The following HELQ variants were observed in gnomAD, a reference collection of about 807,000 sequenced individuals.
HELQ encodes helicase POLQ-like.
Under a neutral mutation model 111.6 loss-of-function variants are expected in HELQ, and 77 were observed. The observed-to-expected ratio is 0.69, with a 90% CI of 0.57 to 0.83. The LOEUF is 0.83. HELQ is among the 40% of genes least tolerant of loss of function. HELQ has a pLI of 0.00. For missense variants in HELQ, 1,200 were observed against 1,288.5 expected (o/e 0.93, Z 1.05); for synonymous variants, 438 against 454.7 (o/e 0.96, Z 0.47).
intron 13 of HELQ, among the ~76,000 whole-genome samples, 170 bp downstream of exon 13, chr4:83,427,393 A>C (rs1719902091): frequency 6.6e-6 from 1 of 152,178 alleles, no homozygotes; most frequent in African/African-American, 2.4e-5. Flanking sequence ...AGTGGCTTAC[A>C]CTTGTAATCC....
intron 2 of HELQ, among the ~76,000 whole-genome samples, chr4:83,452,614 A>T (rs1176985305): frequency 6.6e-6 from 1 of 152,260 alleles, no homozygotes; most frequent in African/African-American, 2.4e-5. Flanking sequence ...CCAGCCAAGG[A>T]AATACAACTA....
In HELQ at chr4:83,448,778, C is replaced by T. The variant is rs1351003223; in HGVS notation, c.1191+5G>A. The T allele has an allele frequency of 1.2e-6, 2 of 1,609,856 alleles. No homozygotes were observed. The highest frequency in any genetic ancestry group is 1.7e-6 in the Non-Finnish European group (2 of 1,177,276). On this transcript the variant is annotated splice_donor_5th_base_variant and intron_variant, in intron 3 of 17. Transcript: ENST00000295488. ...ATTTGTTTTAAAACATACACACACA[C>T]ACACCTTTTCTTGGACAATTGCCAC...
chr4:83,443,081 C>T (rs150451047), intron 6 of HELQ, among the ~76,000 whole-genome samples: 97 of 151,952 alleles, frequency 6.4e-4, no homozygotes, highest in African/African-American at 2.1e-3. Flanking sequence ...CCATGTGAAG[C>T]CTTAACTTAT....
chr4:83,453,085 G>A (rs1156983033), intron 2 of HELQ, 146 bp downstream of exon 2: 1 of 596,140 alleles, frequency 1.7e-6, no homozygotes, highest in Non-Finnish European at 2.9e-6. Context: ...GGACAGGTAG[G>A]AATGGAAGGG....
At chr4:83,423,850 G>A (rs774458906) in intron 14 of HELQ, among the ~76,000 whole-genome samples, 7 of 152,054 alleles carry the variant, frequency 4.6e-5, no homozygotes, top group Non-Finnish European at 1.0e-4. Context: ...GGCGGAGGTT[G>A]CAGTGAGCTG....
In HELQ at chr4:83,453,462, T is replaced by C. The variant is rs768052792; in HGVS notation, c.781A>G (p.Arg261Gly). ...SKVRTSSDMN[R>G]RKSIKDHLKN... ...AGATGATCTTTAATACTTTTTCTCC[T>C]GTTCATATCTGAACTAGTTCTGACT... is the stretch of plus-strand genomic sequence containing the variant. Residue 261 changes from arginine (R) to glycine (G), a missense_variant, in exon 2 of 18, where the codon AGG becomes GGG. By Grantham distance (125) the Arg-to-Gly change is moderately radical. This residue lies in a region of HELQ where 610 missense variants were observed against 607.1 expected (regional missense o/e 1.00). Transcript: ENST00000295488. 7 of 1,607,444 alleles carry C rather than the reference T, an allele frequency of 4.4e-6. No homozygotes were observed. The East Asian group carries it at 1.3e-4, about 31-fold the overall frequency.
At chr4:83,445,604 GTAT>G (rs1560555748) in intron 5 of HELQ, among the ~76,000 whole-genome samples, 1 of 152,046 alleles carries the variant, frequency 6.6e-6, no homozygotes, top group East Asian at 1.9e-4. Flanking sequence ...TATGTTATAT[GTAT>G]TATTATGGTG....
chr4:83,448,727 T>C (rs1721186440), intron 3 of HELQ, 56 bp downstream of exon 3: 7 of 1,412,638 alleles, frequency 5.0e-6, no homozygotes, highest in African/African-American at 4.3e-5. Context: ...TTTACAGATC[T>C]TAACGTCAAA....
In HELQ at chr4:83,427,074, A is replaced by G. The variant is rs72944457; in HGVS notation, c.2676+489T>C. Reference sequence around the variant, plus strand: ...TCATGTAATTAAACTCTAAATCATCAGAGATGGTTTTCACTGTTTTCTTTG... The same window carrying G: ...TCATGTAATTAAACTCTAAATCATCGGAGATGGTTTTCACTGTTTTCTTTG... On this transcript the variant is annotated intron_variant, in intron 13 of 17. Coordinates refer to ENST00000295488, the MANE Select transcript of HELQ (RefSeq NM_133636.5). 8.9e-3 allele frequency among the ~76,000 whole-genome samples: 1,351 copies of G among 152,320 alleles called. 17 individuals carry two copies. The highest frequency in any genetic ancestry group is 0.031 in the African/African-American group (1,276 of 41,564).
intron 9 of HELQ, among the ~76,000 whole-genome samples, chr4:83,433,212 T>G (rs11731424): frequency 0.35 from 53,447 of 152,046 alleles, 11,254 homozygotes; most frequent in East Asian, 0.67. Flanking sequence ...CAGAAAAGAT[T>G]ACCAAATACT....
intron 3 of HELQ, among the ~76,000 whole-genome samples, chr4:83,447,378 A>T (rs932402888): frequency 6.6e-6 from 1 of 151,884 alleles, no homozygotes; most frequent in South Asian, 2.1e-4. Flanking sequence ...ACCAAAAAAC[A>T]CAAGTAAAAA....
intron 3 of HELQ, among the ~76,000 whole-genome samples, chr4:83,447,928 G>A (rs1721137830): frequency 6.6e-6 from 1 of 151,052 alleles, no homozygotes; most frequent in African/African-American, 2.4e-5. Flanking sequence ...AGCAAGGTAA[G>A]GCCGGGCACA....
chr4:83,424,529 A>AG (rs1719740433), intron 14 of HELQ, among the ~76,000 whole-genome samples: 1 of 152,250 alleles, frequency 6.6e-6, no homozygotes, highest in Admixed American at 6.5e-5. Flanking sequence ...CTGAGAAGCT[A>AG]GGAGTACAGG....
chr4:83,416,995 A>G, intron 16 of HELQ, 130 bp from the exon 17 acceptor site: 1 of 776,274 alleles, frequency 1.3e-6, no homozygotes, highest in Non-Finnish European at 2.0e-6. Context: ...ATGAAGAGAC[A>G]AGACATGAGA....
At chr4:83,428,819 T>C (rs1189520719) in intron 12 of HELQ, among the ~76,000 whole-genome samples, 1 of 151,414 alleles carries the variant, frequency 6.6e-6, no homozygotes, top group African/African-American at 2.5e-5. Context: ...TTATAAAAAG[T>C]TTCAGAATAA....
Position 83,418,191 on chromosome 4 carries a change from A to C in HELQ, c.2965T>G (p.Trp989Gly). The change falls in exon 16 of 18, where the codon TGG (tryptophan) becomes GGG (glycine). Residue 989 changes from tryptophan to glycine, a missense_variant. Trp to Gly is a radical substitution (Grantham distance 184, BLOSUM62 -2). This residue lies in a region of HELQ where 585 missense variants were observed against 665.3 expected (regional missense o/e 0.88). Coordinates refer to ENST00000295488, the MANE Select transcript of HELQ (RefSeq NM_133636.5). Reference sequence around the variant, plus strand: ...TCTACCAAAAGGGCTCTGTAAACCCAAAACTCCTCAAGCTCCTGTAGAACA... The same window carrying C: ...TCTACCAAAAGGGCTCTGTAAACCCCAAACTCCTCAAGCTCCTGTAGAACA... The part of the protein sequence containing the change: ...LHFCEELEEF[W>G]VYRALLVELT... 6.3e-7 allele frequency: 1 copy of C among 1,590,764 alleles called. No homozygotes were observed. Among genetic ancestry groups the C allele is most frequent in the Non-Finnish European group, 8.6e-7 (1 of 1,163,988 alleles).
chr4:83,437,362 CA>C (rs1417072351), intron 8 of HELQ, among the ~76,000 whole-genome samples: 2 of 152,084 alleles, frequency 1.3e-5, no homozygotes, highest in East Asian at 1.9e-4. Context: ...CCTGTAATCT[CA>C]GCACTTTGGG....
intron 9 of HELQ, among the ~76,000 whole-genome samples, chr4:83,435,851 C>A (rs1300520102): frequency 6.6e-6 from 1 of 151,672 alleles, no homozygotes; most frequent in Non-Finnish European, 1.5e-5. Context: ...TTAAGAGTAA[C>A]CACTGGAATA....
intron 17 of HELQ, 67 bp downstream of exon 17, chr4:83,416,664 T>A: frequency 6.8e-7 from 1 of 1,472,608 alleles, no homozygotes; most frequent in East Asian, 2.3e-5. Context: ...TTTGTTCTGA[T>A]GTCTATAATA....
Sources: gnomAD v4.1 joint callset for allele counts (sites outside exome capture counted in the v4.1 genomes callset) on GRCh38, gnomAD v4.1.1 for gene constraint, gnomAD v4.1.1 regional missense constraint, MANE v1.5 for transcripts, NCBI Gene and HGNC (gene_info 2026-07-23, HGNC 2026-07-21) for gene names.